The following COL5A2 variants were observed in gnomAD, a reference collection of about 807,000 sequenced individuals.
The protein encoded by COL5A2 is collagen alpha-2(V) chain.
Under a neutral mutation model 208.2 loss-of-function variants are expected in COL5A2, and 23 were observed. The ratio of observed to expected loss-of-function variants is 0.11; its 90% CI spans 0.08 to 0.16. The LOEUF (loss-of-function observed/expected upper bound fraction) is 0.16. Among genes scored for constraint, COL5A2 ranks in the 10% least tolerant of loss-of-function variants. COL5A2 has a pLI of 1.00. For synonymous variants in COL5A2, 625 were observed against 628.5 expected (o/e 0.99, Z 0.08); for missense variants, 1,590 against 1,956.4 (o/e 0.81, Z 3.53).
intron 19 of COL5A2, 59 bp downstream of exon 19, chr2:189,068,727 T>A: frequency 8.4e-7 from 1 of 1,189,874 alleles, no homozygotes. Context: ...GAATTTGTTC[T>A]GATGTTACAA....
In COL5A2 at chr2:189,179,675, A is replaced by G; in HGVS notation, c.-71T>C. The G allele has an allele frequency of 1.3e-6, 2 of 1,549,544 alleles. No homozygotes were observed. Among genetic ancestry groups the G allele is most frequent in the Non-Finnish European group, 1.7e-6 (2 of 1,148,158 alleles). The stretch of plus-strand genomic sequence containing the variant: ...TTCTGAGGTTATTGTAGCACCATGA[A>G]GTCAGCTGTGGGCTCTTCTTTCAGC... On this transcript the variant is annotated 5_prime_UTR_variant, in exon 1 of 54. Transcript: ENST00000374866.
the COL5A2 span, among the ~76,000 whole-genome samples, chr2:189,338,168 C>G: frequency 6.6e-6 from 1 of 152,120 alleles, no homozygotes. Flanking sequence ...ATTCCCAAAC[C>G]AGGGGGTACC....
the COL5A2 span, among the ~76,000 whole-genome samples, chr2:189,269,525 T>A: frequency 6.6e-6 from 1 of 152,198 alleles, no homozygotes; most frequent in African/African-American, 2.4e-5. Context: ...GTTCTATTTA[T>A]GTGATGCATT....
At chr2:189,230,576 C>T in the COL5A2 span, among the ~76,000 whole-genome samples, 1 of 151,814 alleles carries the variant, frequency 6.6e-6, no homozygotes, top group South Asian at 2.1e-4. Context: ...CTAACAGGTA[C>T]ATGAAAAAAT....
At chr2:189,153,885 G>A (rs1688193693) in intron 1 of COL5A2, among the ~76,000 whole-genome samples, 1 of 151,956 alleles carries the variant, frequency 6.6e-6, no homozygotes, top group Non-Finnish European at 1.5e-5. Context: ...ACTTTCACTG[G>A]TAAGACGCAT....
At position 189,045,828 on chromosome 2, in the gene COL5A2, G is replaced by T. The variant is rs1359916340; in HGVS notation, c.3281C>A (p.Pro1094Gln). The T allele has an allele frequency of 1.2e-6, 2 of 1,613,954 alleles. No individual in the cohort carries two copies. The highest frequency in any genetic ancestry group is 3.3e-5 in the Admixed American group (2 of 59,992). The change falls in exon 46 of 54, where the codon CCA (proline) becomes CAA (glutamine). Residue 1094 changes from proline (P) to glutamine (Q), a missense_variant. By Grantham distance (76) the Pro-to-Gln change is moderately conservative (BLOSUM62 -1). Transcript: ENST00000374866. ...APGTPGPVGA[P>Q]GDAGQRGDPG... ...ATCTCCTCTTTGTCCTGCATCTCCT[G>T]GAGCACCCACAGGGCCAGGAGTTCC... is the stretch of plus-strand genomic sequence containing the variant.
the COL5A2 span, among the ~76,000 whole-genome samples, chr2:189,432,311 G>T: frequency 4.6e-5 from 7 of 152,256 alleles, no homozygotes; most frequent in Admixed American, 3.9e-4. Flanking sequence ...ATAATGACAG[G>T]ATCTAATTCA....
chr2:189,120,042 C>A (rs1687469486), intron 1 of COL5A2, among the ~76,000 whole-genome samples: 3 of 152,012 alleles, frequency 2.0e-5, no homozygotes, highest in Admixed American at 2.0e-4. Flanking sequence ...ATTTGTCAAT[C>A]TGGAAAAAGG....
chr2:189,354,408 C>T, the COL5A2 span, among the ~76,000 whole-genome samples: 1 of 152,108 alleles, frequency 6.6e-6, no homozygotes, highest in African/African-American at 2.4e-5. Context: ...TCCATCAGGT[C>T]CTGGACTTTT....
chr2:189,374,241 A>T, the COL5A2 span, among the ~76,000 whole-genome samples: 2 of 152,090 alleles, frequency 1.3e-5, no homozygotes, highest in African/African-American at 4.8e-5. Context: ...TTCTCTAAAT[A>T]CTGAATTAAT....
chr2:189,078,914 G>T, intron 15 of COL5A2, 149 bp downstream of exon 15: 5 of 711,532 alleles, frequency 7.0e-6, no homozygotes, highest in Admixed American at 2.4e-5. Flanking sequence ...TCCTGTGCTT[G>T]TCTATCAGCT....
chr2:189,199,866 A>T (rs781539473), intron 1 of COL5A2, among the ~76,000 whole-genome samples: 7 of 152,158 alleles, frequency 4.6e-5, no homozygotes, highest in Non-Finnish European at 8.8e-5. Flanking sequence ...TTTGTACATC[A>T]CTATATCCTA....
At chr2:189,049,246 G>T in intron 44 of COL5A2, 101 bp downstream of exon 44, 1 of 835,506 alleles carries the variant, frequency 1.2e-6, no homozygotes, top group Non-Finnish European at 2.0e-6. Flanking sequence ...CTTTCTTAAG[G>T]TCAAATATGC....
At chr2:189,088,673 G>C (rs903748142) in intron 8 of COL5A2, 22 bp downstream of exon 8, 6 of 1,582,166 alleles carry the variant, frequency 3.8e-6, no homozygotes, top group African/African-American at 1.3e-5. Flanking sequence ...GTACTTCAAT[G>C]ATCAGTAAAA....
At chr2:189,258,927 C>A in the COL5A2 span, among the ~76,000 whole-genome samples, 1 of 152,160 alleles carries the variant, frequency 6.6e-6, no homozygotes, top group African/African-American at 2.4e-5. Flanking sequence ...TGAGCCAGGG[C>A]AAATTACCTG....
the COL5A2 span, among the ~76,000 whole-genome samples, chr2:189,269,617 T>A: frequency 1.3e-5 from 2 of 152,152 alleles, no homozygotes; most frequent in Admixed American, 6.6e-5. Flanking sequence ...AGCTTTTTGA[T>A]GTGTTGATGG....
chr2:189,328,743 G>T, the COL5A2 span, among the ~76,000 whole-genome samples: 13 of 152,128 alleles, frequency 8.5e-5, no homozygotes, highest in Non-Finnish European at 1.9e-4. Context: ...ATGCCAAATT[G>T]TTGGTCATCA....
At chr2:189,336,965 T>C in the COL5A2 span, among the ~76,000 whole-genome samples, 3 of 152,228 alleles carry the variant, frequency 2.0e-5, no homozygotes, top group East Asian at 5.8e-4. Flanking sequence ...GTTGAGTTTA[T>C]GGCCAAAGTC....
Position 189,085,206 on chromosome 2 carries a change from A to G in COL5A2, c.752T>C (p.Ile251Thr), listed in dbSNP as rs1039062801. 2.5e-6 allele frequency: 4 copies of G among 1,610,720 alleles called. No homozygotes were observed. Among genetic ancestry groups the G allele is most frequent in the Non-Finnish European group, 1.7e-6 (2 of 1,178,238 alleles). ...AGGGCCCTCTGGTCCACGTGAACCA[A>G]TCGGACCCTAATAACAGAACAAAAC... is the stretch of plus-strand genomic sequence containing the variant. ...EPGDPGPMGP[I>T]GSRGPEGPPG... is the part of the protein sequence containing the mutation. The change falls in exon 11 of 54, where the codon ATT becomes ACT. Residue 251 changes from isoleucine to threonine, a missense_variant. Coordinates refer to ENST00000374866, the MANE Select transcript of COL5A2 (RefSeq NM_000393.5).
Sources: allele counts gnomAD v4.1 joint callset (sites outside exome capture counted in the v4.1 genomes callset), GRCh38; gene constraint gnomAD v4.1.1; transcripts MANE v1.5; gene names NCBI Gene and HGNC (gene_info 2026-07-23, HGNC 2026-07-21).